Variants in RALGAPA1 observed in about 807,000 individuals in gnomAD.
The protein encoded by RALGAPA1 is Ral GTPase activating protein catalytic subunit alpha 1.
Under a neutral mutation model 269.6 loss-of-function variants are expected in RALGAPA1, and 52 were observed. The observed-to-expected ratio is 0.19, with a 90% CI of 0.15 to 0.24. The LOEUF (loss-of-function observed/expected upper bound fraction) is 0.24. RALGAPA1 is among the 10% of genes least tolerant of loss of function. The pLI, the probability that RALGAPA1 is intolerant of heterozygous loss-of-function variation, is 1.00. For missense variants in RALGAPA1, 1,917 were observed against 3,013.9 expected (o/e 0.64, Z 8.52); for synonymous variants, 817 against 1,008.3 (o/e 0.81, Z 3.60).
In RALGAPA1 at chr14:35,725,942, C is replaced by A. The variant is rs184083657; in HGVS notation, c.1737-789G>T. 2.3e-3 allele frequency among the ~76,000 whole-genome samples: 343 copies of A among 152,296 alleles called. 1 individual carries two copies. The highest frequency in any genetic ancestry group is 7.4e-3 in the African/African-American group (309 of 41,566). On this transcript the variant is annotated intron_variant, in intron 13 of 41. Transcript: ENST00000680220. ...ATTATTATCCTTACCTTGCCTCCTTCTCTTAGATGCTTATTATTAAAACCA... is the reference window on the plus strand; with the variant it reads ...ATTATTATCCTTACCTTGCCTCCTTATCTTAGATGCTTATTATTAAAACCA...
rs111776709 is a variant in RALGAPA1 at position 35,671,055 on chromosome 14, C to T, written c.5202+334G>A. On this transcript the variant is annotated intron_variant, in intron 26 of 41. Coordinates refer to ENST00000680220, the MANE Select transcript of RALGAPA1 (RefSeq NM_001346249.2). ...AAAGACAATATATATTCAGGGTGTA[C>T]AACACGATGATTTGATACACACATA... is the stretch of plus-strand genomic sequence containing the variant. Among the ~76,000 whole-genome samples, 668 of 152,032 alleles carry T rather than the reference C, an allele frequency of 4.4e-3. 1 individual carries two copies. The highest frequency in any genetic ancestry group is 0.013 in the South Asian group (63 of 4,806).
Position 35,780,104 on chromosome 14 carries a change from C to CAA in RALGAPA1, c.107-4361_107-4360dup, listed in dbSNP as rs34840514. Among the ~76,000 whole-genome samples, 111 of 138,564 alleles carry CAA rather than the reference C, an allele frequency of 8.0e-4. 2 individuals are homozygous for CAA. The East Asian group carries it at 0.011, about 14-fold the overall frequency. The allele number at this position is 138,564 out of a possible 152,430, so 90.9% of individuals were successfully genotyped here. A position where few individuals can be genotyped will look rare whatever the true frequency, so the allele number is the denominator to read the frequency against. Reference sequence around the variant, plus strand: ...CCTGGGTAACAGAGCTAGACTGTCTCAAAAAAAAAAAAATTATTGCTAGAG... The same window carrying CAA: ...CCTGGGTAACAGAGCTAGACTGTCTCAAAAAAAAAAAAAAATTATTGCTAGAG... On this transcript the variant is annotated intron_variant, in intron 1 of 41. Coordinates refer to ENST00000680220, the MANE Select transcript of RALGAPA1 (RefSeq NM_001346249.2).
At chr14:35,662,785 C>T (rs961688991) in intron 27 of RALGAPA1, among the ~76,000 whole-genome samples, 1 of 151,924 alleles carries the variant, frequency 6.6e-6, no homozygotes, top group Admixed American at 6.6e-5. Flanking sequence ...ACCTTCAGAA[C>T]AGTAAAAAAC....
intron 1 of RALGAPA1, among the ~76,000 whole-genome samples, chr14:35,784,608 A>G (rs28622921): frequency 0.12 from 18,478 of 152,194 alleles, 1,193 homozygotes; most frequent in South Asian, 0.14. Context: ...TGGCTAACTG[A>G]ATCTGAGAGC....
Position 35,548,508 on chromosome 14 carries a change from C to G in RALGAPA1, c.*23G>C. 6.4e-7 allele frequency: 1 copy of G among 1,561,000 alleles called. No individual in the cohort carries two copies. The highest frequency in any genetic ancestry group is 8.7e-7 in the Non-Finnish European group (1 of 1,152,896). ...TGTTTTGGTTGACACTTTGTCTTACCTTCAGATAAACAGAACTGATATTTA... is the reference window on the plus strand; with the variant it reads ...TGTTTTGGTTGACACTTTGTCTTACGTTCAGATAAACAGAACTGATATTTA... On this transcript the variant is annotated splice_region_variant and 3_prime_UTR_variant, in exon 41 of 42. Transcript: ENST00000680220.
At position 35,548,553 on chromosome 14, in the gene RALGAPA1, TA is replaced by T; in HGVS notation, c.7622-16del. The T allele has an allele frequency of 1.3e-6, 2 of 1,541,890 alleles. No individual in the cohort carries two copies. The highest frequency in any genetic ancestry group is 1.2e-5 in the South Asian group (1 of 85,558). On this transcript the variant is annotated splice_polypyrimidine_tract_variant and intron_variant, in intron 40 of 41. Transcript: ENST00000680220. ...TATTTAATGATCTAAAGAGGGAAAA[TA>T]AATGAAACAATCATAAGGAGAGCAA...
chr14:35,805,683 C>CTT (rs760045509), intron 1 of RALGAPA1, among the ~76,000 whole-genome samples: 11 of 135,466 alleles, frequency 8.1e-5, no homozygotes, highest in South Asian at 2.4e-4. Flanking sequence ...TTTTCTTTTT[C>CTT]TTTTTTTTTT....
In RALGAPA1 at chr14:35,797,643, C is replaced by T. The variant is rs184893034; in HGVS notation, c.106+11087G>A. Among the ~76,000 whole-genome samples, 732 of 151,678 alleles carry T rather than the reference C, an allele frequency of 4.8e-3. 6 individuals carry two copies. The highest frequency in any genetic ancestry group is 0.016 in the African/African-American group (676 of 41,392). On this transcript the variant is annotated intron_variant, in intron 1 of 41. Coordinates refer to ENST00000680220, the MANE Select transcript of RALGAPA1 (RefSeq NM_001346249.2). Reference sequence around the variant, plus strand: ...GGCGGATCACCTGAGGTCTGGAGTTCGAGACCAGCCTTACCAACACGGAGA... The same window carrying T: ...GGCGGATCACCTGAGGTCTGGAGTTTGAGACCAGCCTTACCAACACGGAGA...
chr14:35,716,320 C>G (rs1188280527), intron 16 of RALGAPA1, among the ~76,000 whole-genome samples: 1 of 150,942 alleles, frequency 6.6e-6, no homozygotes, highest in Non-Finnish European at 1.5e-5. Context: ...ATCACTTGAA[C>G]CCAGGAGGCG....
intron 31 of RALGAPA1, among the ~76,000 whole-genome samples, chr14:35,646,411 T>C (rs1311990807): frequency 6.6e-6 from 1 of 152,220 alleles, no homozygotes; most frequent in African/African-American, 2.4e-5. Context: ...ACACCTGATA[T>C]AATGTATTAA....
Position 35,749,404 on chromosome 14 carries a change from T to A in RALGAPA1, c.1012-580A>T, listed in dbSNP as rs531559714. Among the ~76,000 whole-genome samples, 381 of 152,236 alleles carry A rather than the reference T, an allele frequency of 2.5e-3. 4 individuals are homozygous for A. The highest frequency in any genetic ancestry group is 4.5e-3 in the Non-Finnish European group (308 of 67,998). Reference sequence around the variant, plus strand: ...ATGGAATTTTCACCAAGTCTGAAGATCAAGCCTAACCAGATAGGGAAAAAT... The same window carrying A: ...ATGGAATTTTCACCAAGTCTGAAGAACAAGCCTAACCAGATAGGGAAAAAT... On this transcript the variant is annotated intron_variant, in intron 9 of 41. Transcript: ENST00000680220.
chr14:35,716,279 G>C (rs2068813789), intron 16 of RALGAPA1, among the ~76,000 whole-genome samples: 1 of 151,000 alleles, frequency 6.6e-6, no homozygotes, highest in African/African-American at 2.4e-5. Flanking sequence ...TATAGTCCCA[G>C]CTACTCTACT....
intron 37 of RALGAPA1, among the ~76,000 whole-genome samples, chr14:35,576,568 C>T (rs1244656529): frequency 6.6e-6 from 1 of 152,072 alleles, no homozygotes; most frequent in Admixed American, 6.6e-5. Context: ...AAGAGCCTTA[C>T]AGCAAGTCAT....
chr14:35,799,042 G>A (rs1323030162), intron 1 of RALGAPA1, among the ~76,000 whole-genome samples: 2 of 150,586 alleles, frequency 1.3e-5, no homozygotes, highest in Admixed American at 1.3e-4. Flanking sequence ...ACTGTAAATG[G>A]TACTACATGG....
intron 4 of RALGAPA1, chr14:35,766,254 G>A (rs2074134261): frequency 1.2e-6 from 1 of 804,174 alleles, no homozygotes; most frequent in Non-Finnish European, 2.2e-6. Flanking sequence ...TGTGGATGAT[G>A]CAGCAATTGT....
intron 39 of RALGAPA1, among the ~76,000 whole-genome samples, chr14:35,566,880 T>C (rs1333338938): frequency 6.9e-6 from 1 of 144,174 alleles, no homozygotes; most frequent in African/African-American, 2.7e-5. Flanking sequence ...TATATATATA[T>C]ATATTTGTAC....
chr14:35,663,390 CT>C (rs1193414668), intron 27 of RALGAPA1, among the ~76,000 whole-genome samples: 1 of 151,230 alleles, frequency 6.6e-6, no homozygotes, highest in East Asian at 1.9e-4. Context: ...ATAAACTGGA[CT>C]TTTTAAAACT....
intron 41 of RALGAPA1, among the ~76,000 whole-genome samples, chr14:35,547,884 A>G (rs1333830576): frequency 6.6e-6 from 1 of 152,130 alleles, no homozygotes; most frequent in Non-Finnish European, 1.5e-5. Context: ...CTTTAATTTC[A>G]CTAACTAAAT....
intron 31 of RALGAPA1, among the ~76,000 whole-genome samples, chr14:35,638,091 A>G (rs1430169919): frequency 6.6e-6 from 1 of 152,232 alleles, no homozygotes; most frequent in Admixed American, 6.5e-5. Context: ...GTCTGAAAGA[A>G]AAGAATGTTA....
Sources: gnomAD v4.1 joint callset for allele counts (sites outside exome capture counted in the v4.1 genomes callset) on GRCh38, gnomAD v4.1.1 for gene constraint, MANE v1.5 for transcripts, NCBI Gene and HGNC (gene_info 2026-07-23, HGNC 2026-07-21) for gene names.